The following ITPK1 variants were observed in gnomAD, a reference collection of about 807,000 sequenced individuals.
ITPK1 encodes inositol-tetrakisphosphate 1-kinase.
In ITPK1, 21 loss-of-function variants were observed where a neutral mutation model predicts 45.3. The ratio of observed to expected loss-of-function variants is 0.46; its 90% CI spans 0.33 to 0.67. The LOEUF is 0.67. ITPK1 is among the 30% of genes least tolerant of loss of function. The probability of loss-of-function intolerance (pLI) is 0.02; values close to 1 mark genes in which losing one functional copy is unlikely to be tolerated. For missense variants in ITPK1, 474 were observed against 573.5 expected, an observed-to-expected ratio of 0.83 and a Z score of 1.77; for synonymous variants, 258 against 253.6, an observed-to-expected ratio of 1.02 and a Z score of -0.16.
intron 2 of ITPK1, among the ~76,000 whole-genome samples, chr14:93,105,167 G>T (rs556459830): frequency 6.6e-6 from 1 of 152,292 alleles, no homozygotes; most frequent in Non-Finnish European, 1.5e-5. Flanking sequence ...GCTCCAGTGA[G>T]GCCTCAGGTG....
At position 93,016,525 on chromosome 14, in the gene ITPK1, AC is replaced by A; in HGVS notation, c.246+150del. On this transcript the variant is annotated intron_variant, in intron 4 of 10. Transcript: ENST00000267615. The surrounding 1 kb of genome is among the most constrained non-coding windows in gnomAD (Gnocchi z 5.0). Reference sequence around the variant, plus strand: ...TGACGCCGCACAGAAGTACCTGCCCACGAGCCCATGTCTTGCCAGTGGCAGA... The same window carrying A: ...TGACGCCGCACAGAAGTACCTGCCCAGAGCCCATGTCTTGCCAGTGGCAGA... The A allele has an allele frequency of 1.2e-6, 1 of 853,178 alleles. No individual in the cohort carries two copies. The highest frequency in any genetic ancestry group is 1.8e-6 in the Non-Finnish European group (1 of 549,726). The allele number at this position is 853,178 out of a possible 1,614,324, so 52.9% of individuals were successfully genotyped here. A position where few individuals can be genotyped will look rare whatever the true frequency, so the allele number is the denominator to read the frequency against.
rs1274315770 is a variant in ITPK1 at position 93,015,093 on chromosome 14, CT to C, written c.246+1582del. 2.0e-5 allele frequency among the ~76,000 whole-genome samples: 3 copies of C among 152,196 alleles called. No individual in the cohort carries two copies. The East Asian group carries it at 5.8e-4, about 29-fold the overall frequency. On this transcript the variant is annotated intron_variant, in intron 4 of 10. Coordinates refer to ENST00000267615, the MANE Select transcript of ITPK1 (RefSeq NM_014216.6). ...AATGGCTCAGGGGAGAGGAAAGTCG[CT>C]GTATGACTTGGGATCAGCTGGGACC... is the stretch of plus-strand genomic sequence containing the variant.
intron 10 of ITPK1, among the ~76,000 whole-genome samples, chr14:92,942,413 G>A (rs1463337236): frequency 6.6e-6 from 1 of 152,192 alleles, no homozygotes; most frequent in East Asian, 1.9e-4. Context: ...ACTGAGAAGA[G>A]AAGGCTGCCG....
In ITPK1 at chr14:93,103,091, C is replaced by T. The variant is rs1892384642; in HGVS notation, c.95+11978G>A. ...CTCCAGCCTGGGCGACAAAGCAAGA[C>T]TCCATCTCAAAAAAAAAAAAAAAAA... On this transcript the variant is annotated intron_variant, in intron 2 of 10. Coordinates refer to ENST00000267615, the MANE Select transcript of ITPK1 (RefSeq NM_014216.6). 7.6e-5 allele frequency among the ~76,000 whole-genome samples: 9 copies of T among 118,748 alleles called. No individual in the cohort carries two copies. In the South Asian group the frequency reaches 2.0e-3, roughly 27 times the overall value. The allele number at this position is 118,748 out of a possible 152,430, so 77.9% of individuals were successfully genotyped here. A position where few individuals can be genotyped will look rare whatever the true frequency, so the allele number is the denominator to read the frequency against.
Position 93,032,065 on chromosome 14 carries a change from A to G in ITPK1, c.121-15264T>C, listed in dbSNP as rs1156926232. ...CTGGTATTTGATATAATAGTAACAAAGCAGCCGGGTGCAGTGGCTCACGCC... is the reference window on the plus strand; with the variant it reads ...CTGGTATTTGATATAATAGTAACAAGGCAGCCGGGTGCAGTGGCTCACGCC... On this transcript the variant is annotated intron_variant, in intron 3 of 10. Transcript: ENST00000267615. This position sits in a 1 kb window ranked among gnomAD's most constrained non-coding sequence, Gnocchi z 4.0. 6.6e-6 allele frequency among the ~76,000 whole-genome samples: 1 copy of G among 152,138 alleles called. No individual in the cohort carries two copies. The highest frequency in any genetic ancestry group is 1.5e-5 in the Non-Finnish European group (1 of 68,026).
intron 2 of ITPK1, among the ~76,000 whole-genome samples, chr14:93,085,294 T>A (rs1891602844): frequency 6.6e-6 from 1 of 152,224 alleles, no homozygotes; most frequent in Non-Finnish European, 1.5e-5. Context: ...GTGTCTTTTT[T>A]ATTGAGTGGG....
rs974691076 is a variant in ITPK1, at chr14:93,086,561, G to A, written c.96-9942C>T. On this transcript the variant is annotated intron_variant, in intron 2 of 10. Transcript: ENST00000267615. ...GACCCCAGACCGCAAACCCTGCCCC[G>A]AGATGCTAGCTGCCACAGGGCAGAC... Among the ~76,000 whole-genome samples the A allele has an allele frequency of 8.5e-5, 13 of 152,364 alleles. 1 individual carries two copies. Among genetic ancestry groups the A allele is most frequent in the African/African-American group, 2.9e-4 (12 of 41,588 alleles).
In ITPK1 at chr14:92,940,616, C is replaced by A; in HGVS notation, c.*945G>T. 1 of 1,216,544 alleles carries A rather than the reference C, an allele frequency of 8.2e-7. No homozygotes were observed. Among genetic ancestry groups the A allele is most frequent in the Non-Finnish European group, 1.0e-6 (1 of 953,578 alleles). 75.4% of individuals were successfully genotyped at this position (1,216,544 alleles called of 1,614,324 possible). A position where few individuals can be genotyped will look rare whatever the true frequency, so the allele number is the denominator to read the frequency against. On this transcript the variant is annotated 3_prime_UTR_variant, in exon 11 of 11. Transcript: ENST00000267615. ...GTCATGCCGAGGCTCCCGCGCCTAT[C>A]CTCACCTAGGTGACTTTATGGAAAG...
chr14:93,061,769 T>C (rs2749509), intron 3 of ITPK1, among the ~76,000 whole-genome samples: 51,471 of 152,032 alleles, frequency 0.34, 9,359 homozygotes, highest in East Asian at 0.53. Context: ...GTATCAAAAG[T>C]GGATGTTTAT....
intron 3 of ITPK1, among the ~76,000 whole-genome samples, chr14:93,044,670 G>A (rs1442429470): frequency 6.6e-6 from 1 of 152,224 alleles, no homozygotes; most frequent in Non-Finnish European, 1.5e-5. Flanking sequence ...CTGTGGGGCT[G>A]TAGATCTCAG....
At chr14:93,017,053 C>T (rs1286734173) in intron 3 of ITPK1, among the ~76,000 whole-genome samples, 3 of 152,150 alleles carry the variant, frequency 2.0e-5, no homozygotes, top group African/African-American at 7.2e-5. Flanking sequence ...ACTTCTGTTC[C>T]CCAAGCCCCA....
rs1186175153 is a variant in ITPK1, at chr14:93,012,213, C to A, written c.246+4463G>T. On this transcript the variant is annotated intron_variant, in intron 4 of 10. Coordinates refer to ENST00000267615, the MANE Select transcript of ITPK1 (RefSeq NM_014216.6). The surrounding 1 kb of genome is among the most constrained non-coding windows in gnomAD (Gnocchi z 4.9). ...GAACACCAGCTGCTGGGAGCAGACA[C>A]AATCCCTGCCGCAGTGAAGGGACAG... Among the ~76,000 whole-genome samples the A allele has an allele frequency of 6.6e-6, 1 of 152,236 alleles. No homozygotes were observed. Among genetic ancestry groups the A allele is most frequent in the Non-Finnish European group, 1.5e-5 (1 of 68,048 alleles).
In ITPK1 at chr14:93,076,404, G is replaced by A. The variant is rs377192380; in HGVS notation, c.120+191C>T. 1.3e-4 allele frequency among the ~76,000 whole-genome samples: 19 copies of A among 151,978 alleles called. No individual in the cohort carries two copies. The highest frequency in any genetic ancestry group is 7.2e-4 in the Admixed American group (11 of 15,272). ...AAAGCCACAGCAACCCTCCAAACCC[G>A]AGAAGCCCCTGTCGGAGTCTGCCCA... On this transcript the variant is annotated intron_variant, in intron 3 of 10. Transcript: ENST00000267615. The surrounding 1 kb of genome is among the most constrained non-coding windows in gnomAD (Gnocchi z 4.3).
At chr14:92,966,493 T>A (rs140483744) in intron 5 of ITPK1, among the ~76,000 whole-genome samples, 6 of 152,274 alleles carry the variant, frequency 3.9e-5, no homozygotes, top group African/African-American at 1.4e-4. Flanking sequence ...AATAGGAGAT[T>A]TAATATTGTT....
At chr14:93,046,792 G>T (rs142396769) in intron 3 of ITPK1, among the ~76,000 whole-genome samples, 1 of 152,114 alleles carries the variant, frequency 6.6e-6, no homozygotes, top group African/African-American at 2.4e-5. Context: ...TACCATCAAA[G>T]CTCAGTCACT....
intron 10 of ITPK1, among the ~76,000 whole-genome samples, chr14:92,945,877 G>A (rs1887660560): frequency 6.6e-6 from 1 of 152,196 alleles, no homozygotes. Flanking sequence ...TCAGGGTGGT[G>A]GAGGCAACGT....
intron 4 of ITPK1, among the ~76,000 whole-genome samples, chr14:92,995,304 T>A (rs1193157414): frequency 3.3e-5 from 5 of 152,212 alleles, no homozygotes; most frequent in Admixed American, 3.3e-4. Context: ...AGCCCGTCAG[T>A]GAGGCCTGCA....
intron 3 of ITPK1, among the ~76,000 whole-genome samples, chr14:93,048,251 T>C (rs1056048174): frequency 9.2e-5 from 14 of 152,236 alleles, no homozygotes; most frequent in African/African-American, 3.1e-4. Flanking sequence ...TCCTTCTCTT[T>C]GGCAAGCGCC....
rs551589701 is a variant in ITPK1 at position 93,054,703 on chromosome 14, C to A, written c.120+21892G>T. Among the ~76,000 whole-genome samples the A allele has an allele frequency of 2.0e-5, 3 of 152,226 alleles. No homozygotes were observed. In the South Asian group the frequency reaches 6.2e-4, roughly 32 times the overall value. On this transcript the variant is annotated intron_variant, in intron 3 of 10. Coordinates refer to ENST00000267615, the MANE Select transcript of ITPK1 (RefSeq NM_014216.6). Reference sequence around the variant, plus strand: ...CTGGCAAGGAGAGCTTCAGGAGGGGCGGTGGCCATGTCCTGATATGTACGG... The same window carrying A: ...CTGGCAAGGAGAGCTTCAGGAGGGGAGGTGGCCATGTCCTGATATGTACGG...
Sources: allele counts gnomAD v4.1 joint callset (sites outside exome capture counted in the v4.1 genomes callset), GRCh38; gene constraint gnomAD v4.1.1; non-coding constraint Gnocchi (gnomAD v3.1); transcripts MANE v1.5; gene names NCBI Gene and HGNC (gene_info 2026-07-23, HGNC 2026-07-21).